Variants in AK5 observed in about 807,000 individuals in gnomAD.
AK5 encodes the protein adenylate kinase 5, also known as adenylate kinase isoenzyme 5.
Under a neutral mutation model 69.5 loss-of-function variants are expected in AK5, and 27 were observed. The ratio of observed to expected loss-of-function variants is 0.39; its 90% CI spans 0.29 to 0.54. The LOEUF is 0.54. Among genes scored for constraint, AK5 ranks in the 20% least tolerant of loss-of-function variants. The pLI is 0.71. For missense variants in AK5, 531 were observed against 700.4 expected (o/e 0.76, Z 2.73); for synonymous variants, 260 against 244.4 (o/e 1.06, Z -0.60).
intron 8 of AK5, among the ~76,000 whole-genome samples, chr1:77,427,853 C>T (rs935340676): frequency 5.3e-5 from 8 of 152,092 alleles, no homozygotes; most frequent in African/African-American, 1.9e-4. Flanking sequence ...ACATAGAAGC[C>T]CAAGCTAATG....
At chr1:77,326,143 T>C (rs765572887) in intron 5 of AK5, among the ~76,000 whole-genome samples, 1 of 152,124 alleles carries the variant, frequency 6.6e-6, no homozygotes, top group African/African-American at 2.4e-5. Context: ...TCATTACCAA[T>C]ATGAAAGAGG....
intron 8 of AK5, among the ~76,000 whole-genome samples, chr1:77,444,342 CACAATA>C (rs1652570210): frequency 9.5e-5 from 5 of 52,796 alleles, no homozygotes; most frequent in African/African-American, 3.1e-4. Flanking sequence ...AGTATATATA[CACAATA>C]TATGTGTATA....
At position 77,484,535 on chromosome 1, in the gene AK5, AGG is replaced by A. The variant is rs573896559; in HGVS notation, c.1102+1177_1102+1178del. Among the ~76,000 whole-genome samples the A allele has an allele frequency of 7.9e-5, 12 of 152,292 alleles. 2 individuals are homozygous for A. The South Asian group carries it at 2.5e-3, about 32-fold the overall frequency. On this transcript the variant is annotated intron_variant, in intron 9 of 13. Coordinates refer to ENST00000354567, the MANE Select transcript of AK5 (RefSeq NM_174858.3). Reference sequence around the variant, plus strand: ...TGACATCTTGGTGATTCATGAGGAGAGGTACAAATATATGAGCCATAACTTAG... The same window carrying A: ...TGACATCTTGGTGATTCATGAGGAGATACAAATATATGAGCCATAACTTAG...
intron 8 of AK5, among the ~76,000 whole-genome samples, chr1:77,453,138 C>T (rs974875499): frequency 3.3e-5 from 5 of 152,164 alleles, no homozygotes; most frequent in South Asian, 2.1e-4. Context: ...GAGATGTCCC[C>T]GTTCTGAATT....
At chr1:77,412,034 ACT>A (rs1196632865) in intron 7 of AK5, among the ~76,000 whole-genome samples, 1 of 152,114 alleles carries the variant, frequency 6.6e-6, no homozygotes, top group African/African-American at 2.4e-5. Context: ...AAATACTATG[ACT>A]CTGTGCTTTT....
In AK5 at chr1:77,524,713, GT is replaced by G. The variant is rs1239631363; in HGVS notation, c.1428+2771del. ...AGGCTGTCTTTTCACTCTTTTGGTTGTGTCCTTTGATGCACAAAAGCTTTTC... is the reference window on the plus strand; with the variant it reads ...AGGCTGTCTTTTCACTCTTTTGGTTGGTCCTTTGATGCACAAAAGCTTTTC... On this transcript the variant is annotated intron_variant, in intron 12 of 13. Transcript: ENST00000354567. 1.5e-4 allele frequency among the ~76,000 whole-genome samples: 23 copies of G among 152,218 alleles called. No homozygotes were observed. The East Asian group carries it at 1.9e-3, about 13-fold the overall frequency.
intron 6 of AK5, among the ~76,000 whole-genome samples, chr1:77,347,014 T>C (rs1191289694): frequency 6.6e-6 from 1 of 152,194 alleles, no homozygotes; most frequent in African/African-American, 2.4e-5. Context: ...CCATCACTTA[T>C]ATCCTGTTTG....
At chr1:77,349,817 A>T (rs537258324) in intron 6 of AK5, among the ~76,000 whole-genome samples, 1 of 152,304 alleles carries the variant, frequency 6.6e-6, no homozygotes, top group African/African-American at 2.4e-5. Context: ...CTTCTTGCTC[A>T]GTCCTACAAA....
At chr1:77,283,531 G>T in intron 1 of AK5, 2 of 985,406 alleles carry the variant, frequency 2.0e-6, no homozygotes, top group Non-Finnish European at 2.4e-6. Context: ...TCTTTAAAAT[G>T]GGTTGCCATA....
intron 5 of AK5, among the ~76,000 whole-genome samples, chr1:77,298,787 G>A (rs558188091): frequency 6.6e-6 from 1 of 152,242 alleles, no homozygotes; most frequent in East Asian, 1.9e-4. Context: ...AGTGAGCCAA[G>A]ATGGCACCAC....
At chr1:77,438,685 C>T (rs1039085731) in intron 8 of AK5, among the ~76,000 whole-genome samples, 7 of 152,110 alleles carry the variant, frequency 4.6e-5, no homozygotes, top group African/African-American at 1.7e-4. Flanking sequence ...AATTAGAGTG[C>T]TCACAAAAAT....
rs1661398832 is a variant in AK5 at position 77,337,046 on chromosome 1, GATCAAAA to G, written c.700-3327_700-3321del. On this transcript the variant is annotated intron_variant, in intron 5 of 13. Coordinates refer to ENST00000354567, the MANE Select transcript of AK5 (RefSeq NM_174858.3). ...TTTCAGGCCTGAAGTTGCATTTATTGATCAAAAATCTTATGTATTCCACTCAATTTTT... is the reference window on the plus strand; with the variant it reads ...TTTCAGGCCTGAAGTTGCATTTATTGATCTTATGTATTCCACTCAATTTTT... 2.0e-5 allele frequency among the ~76,000 whole-genome samples: 3 copies of G among 152,206 alleles called. No homozygotes were observed. The South Asian group carries it at 6.2e-4, about 32-fold the overall frequency.
At chr1:77,481,449 C>T (rs1438954007) in intron 8 of AK5, among the ~76,000 whole-genome samples, 1 of 152,206 alleles carries the variant, frequency 6.6e-6, no homozygotes, top group Non-Finnish European at 1.5e-5. Flanking sequence ...TGAATGACCA[C>T]TCTGTTAATA....
intron 2 of AK5, among the ~76,000 whole-genome samples, chr1:77,291,560 G>A (rs546319029): frequency 6.6e-6 from 1 of 152,028 alleles, no homozygotes; most frequent in African/African-American, 2.4e-5. Flanking sequence ...CCATGGTAAA[G>A]GATTCAGGGA....
At chr1:77,367,598 T>TC (rs1557532880) in intron 6 of AK5, among the ~76,000 whole-genome samples, 1 of 82,906 alleles carries the variant, frequency 1.2e-5, no homozygotes, top group African/African-American at 5.2e-5. Flanking sequence ...GTTATATATG[T>TC]AATATATATG....
chr1:77,286,545 A>G (rs1310674493), intron 1 of AK5, among the ~76,000 whole-genome samples: 1 of 151,976 alleles, frequency 6.6e-6, no homozygotes, highest in East Asian at 1.9e-4. Flanking sequence ...CCATAATACT[A>G]TTTTAACAAA....
At chr1:77,519,154 G>A (rs1350654973) in intron 11 of AK5, among the ~76,000 whole-genome samples, 1 of 152,118 alleles carries the variant, frequency 6.6e-6, no homozygotes, top group Non-Finnish European at 1.5e-5. Context: ...TGTAATTTAA[G>A]AATATCCCCT....
At chr1:77,322,571 A>C (rs773504705) in intron 5 of AK5, among the ~76,000 whole-genome samples, 1 of 152,230 alleles carries the variant, frequency 6.6e-6, no homozygotes, top group African/African-American at 2.4e-5. Flanking sequence ...AAGACAAAAA[A>C]ACTTTAAAAA....
intron 6 of AK5, among the ~76,000 whole-genome samples, chr1:77,365,088 TG>T (rs2017153914): frequency 6.6e-6 from 1 of 152,216 alleles, no homozygotes; most frequent in African/African-American, 2.4e-5. Context: ...GATACTTCAT[TG>T]TATTTTGTTT....
Sources: gnomAD v4.1 joint callset for allele counts (sites outside exome capture counted in the v4.1 genomes callset) on GRCh38, gnomAD v4.1.1 for gene constraint, MANE v1.5 for transcripts, NCBI Gene and HGNC (gene_info 2026-07-23, HGNC 2026-07-21) for gene names.